RASEF: variants seen among roughly 807,000 people sequenced by gnomAD.
RASEF encodes the protein ras and EF-hand domain-containing protein.
Under a neutral mutation model 90.1 loss-of-function variants are expected in RASEF, and 68 were observed. The ratio of observed to expected loss-of-function variants is 0.75; its 90% CI spans 0.62 to 0.92. The LOEUF is 0.92. Among genes scored for constraint, RASEF ranks in the 40% least tolerant of loss-of-function variants. The probability of loss-of-function intolerance (pLI) is 0.00; values close to 1 mark genes in which losing one functional copy is unlikely to be tolerated. For synonymous variants in RASEF, 331 were observed against 345.2 expected (o/e 0.96, Z 0.46); for missense variants, 949 against 937.2 (o/e 1.01, Z -0.16).
chr9:83,030,135 T>A (rs114995463), intron 1 of RASEF, among the ~76,000 whole-genome samples: 4,516 of 152,198 alleles, frequency 0.03, 207 homozygotes, highest in African/African-American at 0.1. Flanking sequence ...GGTGGGTAGA[T>A]CACCTGAGGT....
At chr9:83,018,488 TGTCAATTCTCTCCAAATTGATCTATA>T (rs145530165) in intron 3 of RASEF, among the ~76,000 whole-genome samples, 3,432 of 152,228 alleles carry the variant, frequency 0.023, 127 homozygotes, top group African/African-American at 0.077. Context: ...TCAATACTGT[TGTCAATTCTCTCCAAATTGATCTATA>T]GACGCAATGA....
chr9:83,153,233 T>C, the RASEF span, among the ~76,000 whole-genome samples: 1 of 152,156 alleles, frequency 6.6e-6, no homozygotes, highest in African/African-American at 2.4e-5. Context: ...TATTCATATT[T>C]TCTCTTTCTC....
At chr9:83,123,279 G>A in the RASEF span, among the ~76,000 whole-genome samples, 2 of 148,170 alleles carry the variant, frequency 1.3e-5, no homozygotes, top group East Asian at 4.0e-4. Flanking sequence ...ACCATAACAG[G>A]AATAGCATTC....
the RASEF span, among the ~76,000 whole-genome samples, chr9:83,208,186 C>G: frequency 6.6e-6 from 1 of 152,116 alleles, no homozygotes; most frequent in African/African-American, 2.4e-5. Flanking sequence ...GCTATGGCAC[C>G]CTTGGGCGTC....
At position 82,992,956 on chromosome 9, in the gene RASEF, T is replaced by C; in HGVS notation, c.1990A>G (p.Thr664Ala). 1 of 1,613,934 alleles carries C rather than the reference T, an allele frequency of 6.2e-7. No homozygotes were observed. The highest frequency in any genetic ancestry group is 8.5e-7 in the Non-Finnish European group (1 of 1,179,884). Residue 664 changes from threonine (T) to alanine (A), a missense_variant, in exon 15 of 17, where the codon ACA becomes GCA. Thr to Ala is a moderately conservative substitution (Grantham distance 58, BLOSUM62 0). This residue lies in a region of RASEF where 288 missense variants were observed against 328.4 expected (regional missense o/e 0.88). Coordinates refer to ENST00000376447, the MANE Select transcript of RASEF (RefSeq NM_152573.4). ...NKADIRDTAA[T>A]EGQKCVPGHF... Reference sequence around the variant, plus strand: ...CCTGGGACACATTTTTGTCCCTCTGTAGCAGCAGTGTCACGAATGTCAGCC... The same window carrying C: ...CCTGGGACACATTTTTGTCCCTCTGCAGCAGCAGTGTCACGAATGTCAGCC...
the RASEF span, among the ~76,000 whole-genome samples, chr9:83,195,341 G>A: frequency 6.6e-6 from 1 of 152,298 alleles, no homozygotes; most frequent in Non-Finnish European, 1.5e-5. Context: ...TGACAGAAGA[G>A]CAGGGGCAAT....
chr9:83,191,407 C>T, the RASEF span, among the ~76,000 whole-genome samples: 1 of 152,190 alleles, frequency 6.6e-6, no homozygotes, highest in African/African-American at 2.4e-5. Context: ...GCCTCTTCCA[C>T]TTCATAGCTA....
At chr9:83,089,895 TAGATAGATAGATAGATA>T in the RASEF span, among the ~76,000 whole-genome samples, 1 of 18,436 alleles carries the variant, frequency 5.4e-5, no homozygotes, top group African/African-American at 2.0e-4. Context: ...AGATAGATGA[TAGATAGATAGATAGATA>T]GATAGATAGA....
chr9:82,998,237 T>G (rs1828957254), intron 13 of RASEF, 128 bp downstream of exon 13: 2 of 567,658 alleles, frequency 3.5e-6, no homozygotes, highest in Non-Finnish European at 6.3e-6. Context: ...TAATTATACA[T>G]GTAATTATGC....
the RASEF span, among the ~76,000 whole-genome samples, chr9:83,154,069 G>T: frequency 9.8e-5 from 15 of 152,318 alleles, no homozygotes; most frequent in South Asian, 3.1e-3. Flanking sequence ...TTGTCTGGGC[G>T]TTGGCAAATA....
the RASEF span, among the ~76,000 whole-genome samples, chr9:83,205,182 G>A: frequency 7.9e-5 from 12 of 152,182 alleles, no homozygotes; most frequent in African/African-American, 2.9e-4. Context: ...AAGATTGCCT[G>A]AGGCCAAATA....
At chr9:83,142,296 C>G in the RASEF span, among the ~76,000 whole-genome samples, 1 of 152,130 alleles carries the variant, frequency 6.6e-6, no homozygotes, top group Admixed American at 6.6e-5. Context: ...TTTAACAGAA[C>G]AAGTTGAGCT....
chr9:83,042,836 A>C (rs1258589751), intron 1 of RASEF, among the ~76,000 whole-genome samples: 1 of 152,112 alleles, frequency 6.6e-6, no homozygotes, highest in Non-Finnish European at 1.5e-5. Context: ...TGTATCTGAT[A>C]ATTTGTTTTC....
chr9:83,116,092 G>T, the RASEF span, among the ~76,000 whole-genome samples: 33 of 152,210 alleles, frequency 2.2e-4, no homozygotes. Context: ...CCCTGCCAAG[G>T]CTTCATTTCC....
chr9:83,191,259 T>C, the RASEF span, among the ~76,000 whole-genome samples: 2 of 152,286 alleles, frequency 1.3e-5, no homozygotes, highest in Admixed American at 6.5e-5. Flanking sequence ...TTTCAATCAC[T>C]GAGAAAACCA....
chr9:83,062,846 C>A lies in RASEF; in HGVS notation c.22G>T (p.Glu8Ter). ...ACTGAGCGCAGCCGGGCCAGCTCCT[C>A]TCCGTCCCCATCCGCCTCCATCCCG... MEADGDG[E>*]ELARLRSVFA... Residue 8 changes from glutamate to a stop codon, truncating the protein, a stop_gained, in exon 1 of 17, where the codon GAG (glutamate) becomes TAG (stop). Coordinates refer to ENST00000376447, the MANE Select transcript of RASEF (RefSeq NM_152573.4). LOFTEE classifies it high-confidence loss of function. 1 of 1,536,078 alleles carries A rather than the reference C, an allele frequency of 6.5e-7. No individual in the cohort carries two copies. The highest frequency in any genetic ancestry group is 1.9e-5 in the Admixed American group (1 of 53,352).
At position 82,980,522 on chromosome 9, in the gene RASEF, T is replaced by C. The variant is rs1458774447; in HGVS notation, c.*2155A>G. 1 of 152,222 alleles carries C rather than the reference T, an allele frequency of 6.6e-6. No homozygotes were observed. The highest frequency in any genetic ancestry group is 2.1e-4 in the South Asian group (1 of 4,836). 9.4% of individuals were successfully genotyped at this position (152,222 alleles called of 1,614,324 possible). A position where few individuals can be genotyped will look rare whatever the true frequency, so the allele number is the denominator to read the frequency against. ...CAGGACAATCCAGAGGTAAAGACTA[T>C]GAAAATACTTCTGTATTATGGTATA... On this transcript the variant is annotated 3_prime_UTR_variant, in exon 17 of 17. Transcript: ENST00000376447.
At chr9:83,034,464 CTAAG>C (rs1829703741) in intron 1 of RASEF, among the ~76,000 whole-genome samples, 1 of 152,156 alleles carries the variant, frequency 6.6e-6, no homozygotes, top group Non-Finnish European at 1.5e-5. Context: ...TATTACTTAC[CTAAG>C]TATCTATTTT....
the RASEF span, among the ~76,000 whole-genome samples, chr9:83,194,663 T>G: frequency 6.6e-6 from 1 of 152,374 alleles, no homozygotes; most frequent in East Asian, 1.9e-4. Context: ...TTGGGATTCT[T>G]CTGTAGGAAA....
Sources: allele counts gnomAD v4.1 joint callset (sites outside exome capture counted in the v4.1 genomes callset), GRCh38; gene constraint gnomAD v4.1.1; regional missense constraint gnomAD v4.1.1; transcripts MANE v1.5; gene names NCBI Gene and HGNC (gene_info 2026-07-23, HGNC 2026-07-21).